The following SLC25A26 variants were observed in gnomAD, a reference collection of about 807,000 sequenced individuals.
The protein encoded by SLC25A26 is mitochondrial S-adenosylmethionine carrier protein.
A neutral mutation model predicts 37.8 loss-of-function variants in SLC25A26; 36 were observed. The ratio of observed to expected loss-of-function variants is 0.95; its 90% confidence interval spans 0.73 to 1.26. The LOEUF is 1.26. SLC25A26 is among the 50% of genes most tolerant of loss of function. The probability of loss-of-function intolerance (pLI) is 0.00; values close to 1 mark genes in which losing one functional copy is unlikely to be tolerated. For synonymous variants in SLC25A26, 129 were observed against 122.5 expected (o/e 1.05, Z -0.35); for missense variants, 390 against 331.1 (o/e 1.18, Z -1.38).
chr3:66,266,092 G>A (rs1042954553), intron 5 of SLC25A26, among the ~76,000 whole-genome samples: 1 of 152,186 alleles, frequency 6.6e-6, no homozygotes, highest in Admixed American at 6.5e-5. Flanking sequence ...TGACCTCACT[G>A]AGATGACTTT....
intron 5 of SLC25A26, among the ~76,000 whole-genome samples, chr3:66,320,770 A>G (rs1401219609): frequency 1.3e-5 from 2 of 152,178 alleles, no homozygotes; most frequent in East Asian, 1.9e-4. Context: ...AATTATAGTC[A>G]TACTAATAGG....
chr3:66,261,119 G>C (rs912742541), intron 3 of SLC25A26, among the ~76,000 whole-genome samples: 2 of 152,182 alleles, frequency 1.3e-5, no homozygotes, highest in African/African-American at 4.8e-5. Context: ...TTCCTGTCTC[G>C]GCTTCCCGAG....
At chr3:66,268,200 A>G (rs2073829708) in intron 5 of SLC25A26, among the ~76,000 whole-genome samples, 2 of 152,250 alleles carry the variant, frequency 1.3e-5, no homozygotes, top group African/African-American at 4.8e-5. Context: ...GACATTACAG[A>G]CATGCTGCAG....
chr3:66,206,358 C>A (rs2071177114), intron 1 of SLC25A26, among the ~76,000 whole-genome samples: 1 of 152,110 alleles, frequency 6.6e-6, no homozygotes, highest in Admixed American at 6.5e-5. Context: ...TCCAGGGCTG[C>A]CACATATGGC....
chr3:66,335,784 A>G (rs1368564444), intron 5 of SLC25A26, among the ~76,000 whole-genome samples: 1 of 152,182 alleles, frequency 6.6e-6, no homozygotes, highest in African/African-American at 2.4e-5. Flanking sequence ...ATACAGCAGT[A>G]TAAATTGGTC....
rs552898213 is a variant in SLC25A26 at position 66,288,722 on chromosome 3, A to G, written c.453+25343A>G. Among the ~76,000 whole-genome samples the G allele has an allele frequency of 4.9e-4, 75 of 152,292 alleles. 1 individual carries two copies. Among genetic ancestry groups the G allele is most frequent in the Admixed American group, 3.7e-3 (57 of 15,300 alleles). ...GTGCCACATTTTCTTTATCCAGTCT[A>G]TCATTGATGGGCATTTAGGTTGGTT... On this transcript the variant is annotated intron_variant, in intron 5 of 9. Transcript: ENST00000354883.
intron 1 of SLC25A26, among the ~76,000 whole-genome samples, chr3:66,226,796 G>T (rs138170904): frequency 0.034 from 4,724 of 138,216 alleles, 252 homozygotes; most frequent in African/African-American, 0.11. Context: ...AATTTTTTTT[G>T]TAGAAAGAGG....
At chr3:66,190,870 A>G (rs2070928819) in intron 1 of SLC25A26, among the ~76,000 whole-genome samples, 1 of 152,236 alleles carries the variant, frequency 6.6e-6, no homozygotes, top group Admixed American at 6.5e-5. Context: ...ATTTTCACAT[A>G]TATAGCATAG....
chr3:66,294,955 A>T (rs1488812597), intron 5 of SLC25A26, among the ~76,000 whole-genome samples: 1 of 152,182 alleles, frequency 6.6e-6, no homozygotes, highest in East Asian at 1.9e-4. Flanking sequence ...AAAAATATAA[A>T]CTGTTAACTT....
chr3:66,167,563 A>T (rs568170453), intron 1 of SLC25A26, among the ~76,000 whole-genome samples: 71 of 152,304 alleles, frequency 4.7e-4, no homozygotes, highest in African/African-American at 1.5e-3. Context: ...GACTAATATG[A>T]TAACTATAAT....
chr3:66,215,599 T>C (rs2071348977), intron 1 of SLC25A26, among the ~76,000 whole-genome samples: 1 of 152,322 alleles, frequency 6.6e-6, no homozygotes, highest in East Asian at 1.9e-4. Flanking sequence ...CCCAAAAGCA[T>C]TTATTGAAAG....
intron 3 of SLC25A26, among the ~76,000 whole-genome samples, chr3:66,258,486 T>TA (rs1378406497): frequency 6.6e-6 from 1 of 152,174 alleles, no homozygotes; most frequent in Non-Finnish European, 1.5e-5. Flanking sequence ...CACTTGCATC[T>TA]AAAAAAGCAA....
At chr3:66,369,241 G>T (rs542320848) in intron 7 of SLC25A26, among the ~76,000 whole-genome samples, 5 of 152,238 alleles carry the variant, frequency 3.3e-5, no homozygotes, top group East Asian at 1.9e-4. Context: ...AAGATAAATT[G>T]TGGAGCCTTG....
intron 5 of SLC25A26, among the ~76,000 whole-genome samples, chr3:66,276,350 G>A (rs2074146150): frequency 6.6e-6 from 1 of 152,040 alleles, no homozygotes; most frequent in Non-Finnish European, 1.5e-5. Flanking sequence ...TTTGCTTCCT[G>A]TTTGTGTCTT....
rs34315256 is a variant in SLC25A26, at chr3:66,297,328, CAAAA to C, written c.453+33966_453+33969del. On this transcript the variant is annotated intron_variant, in intron 5 of 9. Coordinates refer to ENST00000354883, the MANE Select transcript of SLC25A26 (RefSeq NM_001379210.1). ...GGTCAACAACAGTGAAACTCCATCT[CAAAA>C]AAAAAAAAAAAAAAAAGAATGTCTG... is the stretch of plus-strand genomic sequence containing the variant. 2.6e-3 allele frequency among the ~76,000 whole-genome samples: 277 copies of C among 106,378 alleles called. 2 individuals carry two copies. The East Asian group carries it at 0.028, about 11-fold the overall frequency. 69.8% of individuals were successfully genotyped at this position (106,378 alleles called of 152,430 possible).
rs772672908 is a variant in SLC25A26, at chr3:66,378,864, C to T, written c.*1057C>T. 2 of 152,562 alleles carry T rather than the reference C, an allele frequency of 1.3e-5. No homozygotes were observed. The allele number at this position is 152,562 out of a possible 1,614,324, so 9.5% of individuals were successfully genotyped here. On this transcript the variant is annotated 3_prime_UTR_variant, in exon 10 of 10. Coordinates refer to ENST00000354883, the MANE Select transcript of SLC25A26 (RefSeq NM_001379210.1). ...ATTTGTTAGACACTTCAATATTTTA[C>T]ATGGTTTTCAATGTACACTGTACCA...
intron 5 of SLC25A26, among the ~76,000 whole-genome samples, chr3:66,323,563 T>C (rs1409995000): frequency 2.0e-5 from 3 of 152,182 alleles, no homozygotes; most frequent in Non-Finnish European, 4.4e-5. Context: ...CCCAGCACTT[T>C]GAGAGGCCGA....
At chr3:66,235,576 C>A (rs1186163781) in intron 1 of SLC25A26, among the ~76,000 whole-genome samples, 1 of 152,076 alleles carries the variant, frequency 6.6e-6, no homozygotes, top group African/African-American at 2.4e-5. Context: ...AAATACAGAT[C>A]CAGATTCACA....
rs1209241334 is a variant in SLC25A26 at position 66,215,325 on chromosome 3, C to T, written c.-353-5417C>T. ...AAATGATTGTCCTGCTTCAGCCTCC[C>T]GACTAGCTGGGACCACAGGCATGTG... On this transcript the variant is annotated intron_variant, in intron 1 of 10. Transcript: ENST00000676754. 7.2e-5 allele frequency among the ~76,000 whole-genome samples: 11 copies of T among 152,070 alleles called. No individual in the cohort carries two copies. In the East Asian group the frequency reaches 1.9e-3, roughly 27 times the overall value.
Sources: gnomAD v4.1 joint callset for allele counts (sites outside exome capture counted in the v4.1 genomes callset) on GRCh38, gnomAD v4.1.1 for gene constraint, MANE v1.5 for transcripts, NCBI Gene and HGNC (gene_info 2026-07-23, HGNC 2026-07-21) for gene names.